The following CUL4A variants were observed in gnomAD, a reference collection of about 807,000 sequenced individuals.
The protein encoded by CUL4A is cullin 4A.
Under a neutral mutation model 95.5 loss-of-function variants are expected in CUL4A, and 16 were observed. The ratio of observed to expected loss-of-function variants is 0.17; its 90% confidence interval spans 0.11 to 0.25. The LOEUF (loss-of-function observed/expected upper bound fraction) is 0.25. Ranked by LOEUF, CUL4A falls within the 10% of genes least tolerant of loss-of-function variation. The pLI is 1.00. For synonymous variants in CUL4A, 380 were observed against 353.1 expected, an observed-to-expected ratio of 1.08 and a Z score of -0.85; for missense variants, 610 against 937.0, an observed-to-expected ratio of 0.65 and a Z score of 4.56.
intron 9 of CUL4A, 71 bp from the exon 10 acceptor site, chr13:113,239,362 G>T: frequency 2.3e-6 from 3 of 1,281,992 alleles, no homozygotes; most frequent in Non-Finnish European, 3.4e-6. Flanking sequence ...TCTGGTGCAC[G>T]CTGTATTCTA....
At position 113,249,398 on chromosome 13, in the gene CUL4A, G is replaced by A. The variant is rs144462572; in HGVS notation, c.1638+3335G>A. On this transcript the variant is annotated intron_variant, in intron 15 of 19. Coordinates refer to ENST00000375440, the MANE Select transcript of CUL4A (RefSeq NM_001008895.4). ...CATCCATGCTGTACCATACATGAGC[G>A]CTTTATTCCATCCGTGCTGCACCAT... Among the ~76,000 whole-genome samples the A allele has an allele frequency of 3.3e-4, 50 of 151,678 alleles. 1 individual carries two copies. The East Asian group carries it at 6.0e-3, about 18-fold the overall frequency.
At position 113,233,191 on chromosome 13, in the gene CUL4A, A is replaced by G. The variant is rs769966720; in HGVS notation, c.527A>G (p.Glu176Gly). The G allele has an allele frequency of 1.2e-6, 2 of 1,614,080 alleles. No individual in the cohort carries two copies. Among genetic ancestry groups the G allele is most frequent in the Non-Finnish European group, 1.7e-6 (2 of 1,179,960 alleles). Reference protein sequence around the residue: ...TLPSIWDMGLELFRTHIISDK... With the variant: ...TLPSIWDMGLGLFRTHIISDK... ...TGTCTATACAGGGATATGGGATTAG[A>G]ACTGTTTAGAACCCATATTATTAGT... Residue 176 changes from glutamate (E) to glycine (G), a missense_variant, in exon 6 of 20, where the codon GAA becomes GGA. By Grantham distance (98) the Glu-to-Gly change is moderately conservative. Transcript: ENST00000375440.
intron 9 of CUL4A, 38 bp downstream of exon 9, chr13:113,236,928 AT>A: frequency 7.0e-7 from 1 of 1,424,528 alleles, no homozygotes; most frequent in Non-Finnish European, 9.9e-7. Context: ...AAACTGAACA[AT>A]TATCCTTAGT....
chr13:113,252,727 T>C (rs1463710388), intron 15 of CUL4A, among the ~76,000 whole-genome samples: 5 of 152,194 alleles, frequency 3.3e-5, no homozygotes, highest in African/African-American at 1.2e-4. Context: ...AGGCCAGGGC[T>C]GGGCATGGCC....
intron 1 of CUL4A, 83 bp from the exon 2 acceptor site, chr13:113,209,882 GGGGGCGCC>G (rs2040298382): frequency 9.2e-6 from 11 of 1,194,602 alleles, no homozygotes; most frequent in East Asian, 7.0e-5. Context: ...CCCCGGGAGC[GGGGGCGCC>G]GGGGCGCCGG....
chr13:113,240,597 A>G (rs9577218), intron 10 of CUL4A, among the ~76,000 whole-genome samples: 36,274 of 152,082 alleles, frequency 0.24, 5,090 homozygotes, highest in East Asian at 0.55. Context: ...GAATTACACT[A>G]AGAGGAAAAA....
intron 15 of CUL4A, among the ~76,000 whole-genome samples, chr13:113,251,651 C>G (rs1386071886): frequency 3.3e-5 from 5 of 152,122 alleles, no homozygotes; most frequent in Non-Finnish European, 5.9e-5. Flanking sequence ...AGCACCTCCC[C>G]CTTCTCTCTC....
intron 2 of CUL4A, among the ~76,000 whole-genome samples, chr13:113,215,803 G>C (rs2040656358): frequency 2.0e-5 from 2 of 101,376 alleles, no homozygotes; most frequent in Non-Finnish European, 4.4e-5. Flanking sequence ...GGAGGTCGCT[G>C]TGTGACTATG....
In CUL4A at chr13:113,210,082, C is replaced by T. The variant is rs572016632; in HGVS notation, c.258C>T (p.Leu86=). Residue 86 remains leucine, a synonymous_variant, in exon 2 of 20, where the codon CTC becomes CTT. Transcript: ENST00000375440. ...CCATCAGGTACAACCTCGAGGAGCT[C>T]TACCAGGTGAGGCGGCGGCCGGGGC... is the stretch of plus-strand genomic sequence containing the variant. ...STSIRYNLEE[L]YQAVENLCSH... 5.3e-6 allele frequency: 8 copies of T among 1,502,102 alleles called. No individual in the cohort carries two copies. Among genetic ancestry groups the T allele is most frequent in the African/African-American group, 4.4e-5 (3 of 68,546 alleles). The allele number at this position is 1,502,102 out of a possible 1,614,324, so 93.0% of individuals were successfully genotyped here.
chr13:113,229,025 G>T (rs1165895322), intron 4 of CUL4A, among the ~76,000 whole-genome samples: 1 of 152,068 alleles, frequency 6.6e-6, no homozygotes, highest in Admixed American at 6.6e-5. Context: ...CTACTCGGGA[G>T]GCTGAGGCAG....
chr13:113,236,466 G>A (rs749871916), intron 8 of CUL4A, among the ~76,000 whole-genome samples: 5 of 152,112 alleles, frequency 3.3e-5, no homozygotes, highest in African/African-American at 7.2e-5. Context: ...GCGGAATGTC[G>A]GCTCTGCCCT....
intron 2 of CUL4A, among the ~76,000 whole-genome samples, chr13:113,215,564 C>A (rs1236923797): frequency 6.7e-6 from 1 of 149,292 alleles, no homozygotes. Context: ...GGTCACGTCC[C>A]ATGTGGCCGT....
chr13:113,209,903 G>C lies in CUL4A; in HGVS notation c.149-70G>C, dbSNP rs1456901999. ...GAGCGGGGGCGCCGGGGCGCCGGCC[G>C]GGTCGGGGGTGGCTACGCGGGGCGC... On this transcript the variant is annotated intron_variant, in intron 1 of 19. Coordinates refer to ENST00000375440, the MANE Select transcript of CUL4A (RefSeq NM_001008895.4). 39 of 1,244,226 alleles carry C rather than the reference G, an allele frequency of 3.1e-5. No homozygotes were observed. The South Asian group carries it at 8.5e-4, about 27-fold the overall frequency. 77.1% of individuals were successfully genotyped at this position (1,244,226 alleles called of 1,614,324 possible). A position where few individuals can be genotyped will look rare whatever the true frequency, so the allele number is the denominator to read the frequency against.
chr13:113,218,227 G>C (rs2040765174), intron 2 of CUL4A, among the ~76,000 whole-genome samples: 1 of 148,304 alleles, frequency 6.7e-6, no homozygotes, highest in South Asian at 2.3e-4. Context: ...GACAGAGCAA[G>C]ACTCCAACTC....
Position 113,216,675 on chromosome 13 carries a change from A to G in CUL4A, c.265-2270A>G, listed in dbSNP as rs115633071. Among the ~76,000 whole-genome samples the G allele has an allele frequency of 4.7e-3, 714 of 152,322 alleles. 5 individuals are homozygous for G. Among genetic ancestry groups the G allele is most frequent in the African/African-American group, 0.016 (670 of 41,566 alleles). On this transcript the variant is annotated intron_variant, in intron 2 of 19. Coordinates refer to ENST00000375440, the MANE Select transcript of CUL4A (RefSeq NM_001008895.4). ...GTTGCTTTATGCATCCAGAGAGGGTATTTCTAAATCTCAAAGTATGATTGA... is the reference window on the plus strand; with the variant it reads ...GTTGCTTTATGCATCCAGAGAGGGTGTTTCTAAATCTCAAAGTATGATTGA...
At chr13:113,263,334 T>A (rs193156850) in intron 19 of CUL4A, among the ~76,000 whole-genome samples, 153 bp from the exon 20 acceptor site, 1 of 152,356 alleles carries the variant, frequency 6.6e-6, no homozygotes, top group African/African-American at 2.4e-5. Flanking sequence ...TTCATAAATA[T>A]GTGTATAATT....
At chr13:113,250,798 T>G (rs980503861) in intron 15 of CUL4A, among the ~76,000 whole-genome samples, 2 of 152,162 alleles carry the variant, frequency 1.3e-5, no homozygotes, top group African/African-American at 4.8e-5. Context: ...TCCTGTCCTT[T>G]AGAGATACAG....
At chr13:113,248,549 A>G (rs1408150894) in intron 15 of CUL4A, among the ~76,000 whole-genome samples, 9 of 152,178 alleles carry the variant, frequency 5.9e-5, no homozygotes, top group Non-Finnish European at 1.3e-4. Context: ...GTGGTAAAAT[A>G]TACTTTAACA....
intron 5 of CUL4A, 85 bp from the exon 6 acceptor site, chr13:113,233,092 A>T (rs1482739359): frequency 7.2e-7 from 1 of 1,391,870 alleles, no homozygotes; most frequent in African/African-American, 1.4e-5. Flanking sequence ...TTTTGGGATG[A>T]TATTGAATAG....
Sources: allele counts gnomAD v4.1 joint callset (sites outside exome capture counted in the v4.1 genomes callset), GRCh38; gene constraint gnomAD v4.1.1; transcripts MANE v1.5; gene names NCBI Gene and HGNC (gene_info 2026-07-23, HGNC 2026-07-21).